Variants in SLC8B1 observed in about 807,000 individuals in gnomAD.
The protein encoded by SLC8B1 is mitochondrial sodium/calcium exchanger protein.
Under a neutral mutation model 63.4 loss-of-function variants are expected in SLC8B1, and 52 were observed. That is an observed-to-expected ratio of 0.82 (90% confidence interval 0.66 to 1.03). The LOEUF (loss-of-function observed/expected upper bound fraction) is 1.03. SLC8B1 is among the 50% of genes least tolerant of loss of function. The probability of loss-of-function intolerance (pLI) is 0.00; values close to 1 mark genes in which losing one functional copy is unlikely to be tolerated. For missense variants in SLC8B1, 657 were observed against 741.7 expected, an observed-to-expected ratio of 0.89 and a Z score of 1.33; for synonymous variants, 336 against 323.9, an observed-to-expected ratio of 1.04 and a Z score of -0.40.
At chr12:113,307,617 C>G in intron 13 of SLC8B1, 74 bp downstream of exon 13, 1 of 1,543,912 alleles carries the variant, frequency 6.5e-7, no homozygotes, top group Non-Finnish European at 8.8e-7. Flanking sequence ...CCAGATGCGA[C>G]TCTGGCTGGG....
intron 10 of SLC8B1, among the ~76,000 whole-genome samples, chr12:113,316,084 C>T (rs1000256390): frequency 4.6e-5 from 7 of 152,054 alleles, no homozygotes; most frequent in East Asian, 1.9e-4. Flanking sequence ...ATTAGCCAGG[C>T]GTGGTGGCGG....
chr12:113,324,696 T>C (rs537658158), intron 2 of SLC8B1, among the ~76,000 whole-genome samples: 2 of 149,978 alleles, frequency 1.3e-5, no homozygotes, highest in South Asian at 4.3e-4. Context: ...TGTGAGCCAC[T>C]GCGCCCAGCC....
rs894967905 is a variant in SLC8B1, at chr12:113,299,892, A to C, written c.1640T>G (p.Leu547Trp). The change falls in exon 16 of 16, where the codon TTG (leucine) becomes TGG (tryptophan). Residue 547 changes from leucine to tryptophan, a missense_variant. By Grantham distance (61) the Leu-to-Trp change is moderately conservative (BLOSUM62 -2). Transcript: ENST00000680972. ...GACTCTGCTGAGCTGGAAGCACTGC[A>C]ATGGGACTGAGACCAGGGAGAAGAC... The part of the protein sequence containing the change: ...SLVFSLVSVP[L>W]QCFQLSRVYG... 17 of 1,614,130 alleles carry C rather than the reference A, an allele frequency of 1.1e-5. No homozygotes were observed. The Middle Eastern group carries it at 4.9e-4, about 47-fold the overall frequency.
Position 113,321,184 on chromosome 12 carries a change from G to A in SLC8B1, c.309+12C>T. 6.2e-7 allele frequency: 1 copy of A among 1,614,054 alleles called. No individual in the cohort carries two copies. The highest frequency in any genetic ancestry group is 8.5e-7 in the Non-Finnish European group (1 of 1,179,942). ...CAGCCCCTCTCACCAGCCCCCCAGGGCAGGGCCTCACGTAGAGAGTGACAG... is the reference window on the plus strand; with the variant it reads ...CAGCCCCTCTCACCAGCCCCCCAGGACAGGGCCTCACGTAGAGAGTGACAG... On this transcript the variant is annotated intron_variant, in intron 3 of 15. Transcript: ENST00000680972.
intron 10 of SLC8B1, among the ~76,000 whole-genome samples, chr12:113,316,157 G>A (rs973398188): frequency 4.6e-5 from 7 of 151,872 alleles, no homozygotes; most frequent in African/African-American, 1.2e-4. Context: ...CCGGGAGGTG[G>A]AGCTTGCAGT....
At position 113,315,429 on chromosome 12, in the gene SLC8B1, C is replaced by A. The variant is rs747034646; in HGVS notation, c.1041G>T (p.Pro347=). The change falls in exon 11 of 16, where the codon CCG becomes CCT. Residue 347 remains proline (P), a synonymous_variant. Coordinates refer to ENST00000680972, the MANE Select transcript of SLC8B1 (RefSeq NM_001358345.2). ...GTTTCCAGTTCTGGTCATCCTTGTC[C>A]GGGTCCACGACGGGGACTGTGAGGA... is the stretch of plus-strand genomic sequence containing the variant. The part of the protein sequence containing the change: ...LLLLTVPVVD[P]DKDDQNWKRP... 3 of 1,599,480 alleles carry A rather than the reference C, an allele frequency of 1.9e-6. No individual in the cohort carries two copies. The highest frequency in any genetic ancestry group is 2.6e-6 in the Non-Finnish European group (3 of 1,173,604).
intron 2 of SLC8B1, among the ~76,000 whole-genome samples, chr12:113,329,783 T>C (rs977558930): frequency 1.3e-5 from 2 of 152,164 alleles, no homozygotes; most frequent in African/African-American, 2.4e-5. Flanking sequence ...GGAATTCTTA[T>C]AAAAACTTAC....
chr12:113,303,207 T>C (rs1566222753), intron 15 of SLC8B1, among the ~76,000 whole-genome samples: 1 of 152,094 alleles, frequency 6.6e-6, no homozygotes, highest in East Asian at 1.9e-4. Context: ...CCTCATTACC[T>C]GGAACTACCC....
chr12:113,313,265 C>A (rs1285958968), intron 11 of SLC8B1, among the ~76,000 whole-genome samples: 1 of 151,378 alleles, frequency 6.6e-6, no homozygotes, highest in East Asian at 1.9e-4. Context: ...GGAAATGATG[C>A]AATTCTACTA....
At chr12:113,316,737 T>C (rs1416179417) in intron 9 of SLC8B1, 81 bp from the exon 10 acceptor site, 1 of 1,576,926 alleles carries the variant, frequency 6.3e-7, no homozygotes, top group Non-Finnish European at 8.6e-7. Flanking sequence ...ATCCCACCAG[T>C]CCTCCCAGCC....
rs190762915 is a variant in SLC8B1, at chr12:113,306,404, C to T, written c.1492+91G>A. On this transcript the variant is annotated intron_variant, in intron 14 of 15. Transcript: ENST00000680972. Reference sequence around the variant, plus strand: ...ACATTACCTGCCCCAGGTGTTACACCGAGAACCAATCCCCAGGGTGGGGCA... The same window carrying T: ...ACATTACCTGCCCCAGGTGTTACACTGAGAACCAATCCCCAGGGTGGGGCA... 9.1e-5 allele frequency: 106 copies of T among 1,159,682 alleles called. No homozygotes were observed. The East Asian group carries it at 1.9e-3, about 21-fold the overall frequency. The allele number at this position is 1,159,682 out of a possible 1,614,324, so 71.8% of individuals were successfully genotyped here.
chr12:113,315,334 C>T lies in SLC8B1; in HGVS notation c.1135+1G>A. 6.5e-7 allele frequency: 1 copy of T among 1,530,632 alleles called. No individual in the cohort carries two copies. The highest frequency in any genetic ancestry group is 8.8e-7 in the Non-Finnish European group (1 of 1,135,632). 94.8% of individuals were successfully genotyped at this position (1,530,632 alleles called of 1,614,324 possible). On this transcript the variant is annotated splice_donor_variant, in intron 11 of 15. Coordinates refer to ENST00000680972, the MANE Select transcript of SLC8B1 (RefSeq NM_001358345.2). LOFTEE classifies it high-confidence loss of function. ...GTTGGCCCGGGGTAGGGGATACTCA[C>T]AGGTCCCCGACTGCAGGGTCAGGAC...
chr12:113,310,105 G>A, intron 12 of SLC8B1, 129 bp downstream of exon 12: 1 of 1,269,434 alleles, frequency 7.9e-7, no homozygotes, highest in South Asian at 1.8e-5. Context: ...CAGCTTTAAA[G>A]TTCGGTTACC....
Position 113,299,502 on chromosome 12 carries a change from G to A in SLC8B1, c.*275C>T, listed in dbSNP as rs376418676. The A allele has an allele frequency of 3.5e-4, 150 of 426,970 alleles. 1 individual carries two copies. The highest frequency in any genetic ancestry group is 3.2e-3 in the South Asian group (142 of 44,358). 26.4% of individuals were successfully genotyped at this position (426,970 alleles called of 1,614,324 possible). On this transcript the variant is annotated 3_prime_UTR_variant, in exon 16 of 16. Coordinates refer to ENST00000680972, the MANE Select transcript of SLC8B1 (RefSeq NM_001358345.2). ...AGCCCTTCTCAGAGGGGCTCTGGGG[G>A]TCATTCAAGGGGGACTTCTAGCTTC...
chr12:113,303,991 C>G (rs11837933), intron 15 of SLC8B1, among the ~76,000 whole-genome samples: 21,681 of 152,148 alleles, frequency 0.14, 2,147 homozygotes, highest in African/African-American at 0.27. Flanking sequence ...AGTGATTCCC[C>G]TGCCTCAGCC....
rs1956741442 is a variant in SLC8B1 at position 113,310,371 on chromosome 12, A to G, written c.1136-16T>C. On this transcript the variant is annotated splice_polypyrimidine_tract_variant and intron_variant, in intron 11 of 15. Coordinates refer to ENST00000680972, the MANE Select transcript of SLC8B1 (RefSeq NM_001358345.2). ...TAGACACCATCTGCAAAGGGAGAGAAAGGGAGCTGATACCTTCCCAGCACC... is the reference window on the plus strand; with the variant it reads ...TAGACACCATCTGCAAAGGGAGAGAGAGGGAGCTGATACCTTCCCAGCACC... 1 of 1,609,890 alleles carries G rather than the reference A, an allele frequency of 6.2e-7. No homozygotes were observed. The highest frequency in any genetic ancestry group is 1.1e-5 in the South Asian group (1 of 90,456).
At chr12:113,318,855 AGATGAGCTTGGTGGGGACAATGGCCTCAG>A in intron 8 of SLC8B1, 80 bp downstream of exon 8, 1 of 765,470 alleles carries the variant, frequency 1.3e-6, no homozygotes, top group Non-Finnish European at 2.2e-6. Flanking sequence ...CATGAAGAGG[AGATGAGCTTGGTGGGGACAATGGCCTCAG>A]GAGACCCTGG....
At chr12:113,300,196 A>G (rs1956562051) in intron 15 of SLC8B1, among the ~76,000 whole-genome samples, 2 of 152,136 alleles carry the variant, frequency 1.3e-5, no homozygotes, top group African/African-American at 2.4e-5. Context: ...ATGCAATCTC[A>G]GCCGAGCACA....
At chr12:113,311,001 A>G (rs1956751989) in intron 11 of SLC8B1, among the ~76,000 whole-genome samples, 2 of 152,330 alleles carry the variant, frequency 1.3e-5, no homozygotes, top group South Asian at 4.1e-4. Flanking sequence ...CATGGCTCCC[A>G]AATGACAGGG....
Sources: allele counts gnomAD v4.1 joint callset (sites outside exome capture counted in the v4.1 genomes callset), GRCh38; gene constraint gnomAD v4.1.1; transcripts MANE v1.5; gene names NCBI Gene and HGNC (gene_info 2026-07-23, HGNC 2026-07-21).